RANBP2: variants seen among roughly 807,000 people sequenced by gnomAD.
The protein encoded by RANBP2 is RAN binding protein 2, also known as E3 SUMO-protein ligase RanBP2.
Under a neutral mutation model 303.6 loss-of-function variants are expected in RANBP2, and 57 were observed. The observed-to-expected ratio is 0.19, with a 90% CI of 0.15 to 0.23. RANBP2 has a LOEUF of 0.23. Ranked by LOEUF, RANBP2 falls within the 10% of genes least tolerant of loss-of-function variation. The probability of loss-of-function intolerance (pLI) is 1.00; values close to 1 mark genes in which losing one functional copy is unlikely to be tolerated. For missense variants in RANBP2, 3,138 were observed against 3,780.8 expected, an observed-to-expected ratio of 0.83 and a Z score of 4.46; for synonymous variants, 1,167 against 1,301.5, an observed-to-expected ratio of 0.90 and a Z score of 2.23.
the RANBP2 span, among the ~76,000 whole-genome samples, chr2:109,719,354 C>T: frequency 6.6e-6 from 1 of 150,614 alleles, no homozygotes; most frequent in Non-Finnish European, 1.5e-5. Context: ...CCCACCTTGG[C>T]CTCCCAAAGT....
the RANBP2 span, among the ~76,000 whole-genome samples, chr2:109,580,226 C>A: frequency 1.3e-5 from 2 of 151,100 alleles, no homozygotes; most frequent in South Asian, 2.1e-4. Flanking sequence ...AAAAAGAACA[C>A]TATATTATGA....
the RANBP2 span, chr2:109,667,318 A>G: frequency 5.0e-6 from 3 of 597,622 alleles, no homozygotes; most frequent in Non-Finnish European, 9.2e-6. Context: ...ATTGACTGCC[A>G]TTTAGAGAGG....
At chr2:109,729,660 A>G in the RANBP2 span, among the ~76,000 whole-genome samples, 1 of 152,156 alleles carries the variant, frequency 6.6e-6, no homozygotes, top group Admixed American at 6.5e-5. Context: ...AATTAAAAAC[A>G]AAAACAAAAA....
the RANBP2 span, among the ~76,000 whole-genome samples, chr2:108,979,162 A>C: frequency 1.3e-5 from 2 of 152,160 alleles, no homozygotes; most frequent in African/African-American, 4.8e-5. Flanking sequence ...GTGTTTCTCC[A>C]TCCACTGCCC....
the RANBP2 span, chr2:108,908,075 C>A: frequency 1.9e-6 from 3 of 1,539,962 alleles, no homozygotes; most frequent in East Asian, 7.0e-5. Context: ...GCAGCCCTGA[C>A]AAGTTCTCCT....
chr2:109,566,927 T>A, the RANBP2 span, among the ~76,000 whole-genome samples: 1 of 152,332 alleles, frequency 6.6e-6, no homozygotes, highest in East Asian at 1.9e-4. Context: ...GGTGGCTTTC[T>A]GAATATTCTA....
chr2:109,551,868 C>A, the RANBP2 span, among the ~76,000 whole-genome samples: 2 of 152,180 alleles, frequency 1.3e-5, no homozygotes, highest in Non-Finnish European at 2.9e-5. Flanking sequence ...GAACTAGAAG[C>A]AAACAAAACT....
chr2:109,324,846 G>C, the RANBP2 span, among the ~76,000 whole-genome samples: 1 of 152,176 alleles, frequency 6.6e-6, no homozygotes, highest in Admixed American at 6.5e-5. Context: ...TCTCCTTGAG[G>C]TGTGTGCAAG....
chr2:109,555,438 T>C, the RANBP2 span, among the ~76,000 whole-genome samples: 3 of 152,142 alleles, frequency 2.0e-5, no homozygotes, highest in Non-Finnish European at 2.9e-5. Context: ...CAAATTCACA[T>C]GTAACTTCTT....
the RANBP2 span, among the ~76,000 whole-genome samples, chr2:109,515,260 G>A: frequency 1.3e-5 from 2 of 152,112 alleles, no homozygotes; most frequent in Non-Finnish European, 2.9e-5. Flanking sequence ...ACCCCTTGAC[G>A]CCAAACAGTG....
the RANBP2 span, among the ~76,000 whole-genome samples, chr2:108,986,715 T>G: frequency 6.6e-6 from 1 of 152,228 alleles, no homozygotes; most frequent in South Asian, 2.1e-4. Flanking sequence ...CAGCAGAGGT[T>G]AAATGATTAG....
the RANBP2 span, chr2:109,593,118 A>T: frequency 1.3e-6 from 2 of 1,593,694 alleles, no homozygotes; most frequent in African/African-American, 2.7e-5. Context: ...AGACTGAAAG[A>T]GCTAAAAAAG....
At chr2:109,294,477 C>G in the RANBP2 span, among the ~76,000 whole-genome samples, 1 of 151,436 alleles carries the variant, frequency 6.6e-6, no homozygotes. Flanking sequence ...ACAAGAATCA[C>G]CTGAACCCAG....
At chr2:109,415,562 T>G in the RANBP2 span, among the ~76,000 whole-genome samples, 1 of 152,092 alleles carries the variant, frequency 6.6e-6, no homozygotes, top group Non-Finnish European at 1.5e-5. Context: ...CTGGGCTCCC[T>G]CGCACTTCCT....
At chr2:109,060,747 C>T in the RANBP2 span, among the ~76,000 whole-genome samples, 15 of 152,286 alleles carry the variant, frequency 9.8e-5, no homozygotes, top group African/African-American at 3.4e-4. Flanking sequence ...CTCAGTTTCC[C>T]ATGTGTCTGT....
the RANBP2 span, among the ~76,000 whole-genome samples, chr2:109,656,384 C>A: frequency 6.6e-6 from 1 of 152,340 alleles, no homozygotes; most frequent in South Asian, 2.1e-4. Context: ...GTCACCCAGG[C>A]TGGAGTGAAG....
the RANBP2 span, among the ~76,000 whole-genome samples, chr2:109,507,899 C>A: frequency 6.6e-6 from 1 of 152,202 alleles, no homozygotes; most frequent in African/African-American, 2.4e-5. Flanking sequence ...GGATATCTTG[C>A]AATGTGTACA....
chr2:109,404,550 C>G, the RANBP2 span, among the ~76,000 whole-genome samples: 4 of 152,040 alleles, frequency 2.6e-5, no homozygotes, highest in East Asian at 7.8e-4. Flanking sequence ...CAGTCAAGGT[C>G]GCCAAGGAGC....
At chr2:109,651,941 G>T in the RANBP2 span, among the ~76,000 whole-genome samples, 1 of 152,172 alleles carries the variant, frequency 6.6e-6, no homozygotes, top group Non-Finnish European at 1.5e-5. Context: ...CATGTGCTCA[G>T]CAGTGCAGCC....
Sources: allele counts gnomAD v4.1 joint callset (sites outside exome capture counted in the v4.1 genomes callset), GRCh38; gene constraint gnomAD v4.1.1; transcripts MANE v1.5; gene names NCBI Gene and HGNC (gene_info 2026-07-23, HGNC 2026-07-21).